Variants in NPRL3 observed in about 807,000 individuals in gnomAD.
NPRL3 encodes the protein GATOR1 complex protein NPRL3.
A neutral mutation model predicts 57.2 loss-of-function variants in NPRL3; 23 were observed. The ratio of observed to expected loss-of-function variants is 0.40; its 90% CI spans 0.29 to 0.57. The LOEUF is 0.57. NPRL3 is among the 20% of genes least tolerant of loss of function. The pLI is 0.42. For synonymous variants in NPRL3, 333 were observed against 321.1 expected, an observed-to-expected ratio of 1.04 and a Z score of -0.39; for missense variants, 691 against 767.1, an observed-to-expected ratio of 0.90 and a Z score of 1.17.
chr16:89,149 A>C, intron 12 of NPRL3: 1 of 502,666 alleles, frequency 2.0e-6, no homozygotes, highest in Non-Finnish European at 3.6e-6. Context: ...GTGCCCCACA[A>C]ACACCCCAAG....
chr16:128,790 CAG>C (rs1325744530), intron 3 of NPRL3, among the ~76,000 whole-genome samples: 1 of 151,934 alleles, frequency 6.6e-6, no homozygotes, highest in East Asian at 1.9e-4. Flanking sequence ...ATCAAAGACA[CAG>C]AGAGTGGATT....
intron 2 of NPRL3, among the ~76,000 whole-genome samples, chr16:135,407 A>G (rs11649185): frequency 6.6e-6 from 1 of 152,120 alleles, no homozygotes; most frequent in Admixed American, 6.6e-5. Flanking sequence ...TCAGGAGTTC[A>G]AGACCAGCCT....
At chr16:94,465 CCAGA>C (rs894937341) in intron 9 of NPRL3, among the ~76,000 whole-genome samples, 5 of 152,148 alleles carry the variant, frequency 3.3e-5, no homozygotes, top group Admixed American at 1.3e-4. Flanking sequence ...AACAGGGCCT[CCAGA>C]CTGAGTGAGT....
rs56670370 is a variant in NPRL3, at chr16:88,387, C to CAAAAAA, written c.1544+305_1544+310dup. Among the ~76,000 whole-genome samples the CAAAAAA allele has an allele frequency of 5.4e-4, 71 of 130,952 alleles. 1 individual carries two copies. Among genetic ancestry groups the CAAAAAA allele is most frequent in the African/African-American group, 2.2e-3 (70 of 31,384 alleles). The allele number at this position is 130,952 out of a possible 152,430, so 85.9% of individuals were successfully genotyped here. A position where few individuals can be genotyped will look rare whatever the true frequency, so the allele number is the denominator to read the frequency against. On this transcript the variant is annotated intron_variant, in intron 13 of 13. Coordinates refer to ENST00000611875, the MANE Select transcript of NPRL3 (RefSeq NM_001077350.3). ...TGGGTGACAGAGCGAGACTCCGTCT[C>CAAAAAA]AAAAAAAAAAAAAAAAAAAAAGAAC...
At chr16:132,370 A>G (rs2141984678) in intron 2 of NPRL3, among the ~76,000 whole-genome samples, 1 of 152,290 alleles carries the variant, frequency 6.6e-6, no homozygotes, top group East Asian at 1.9e-4. Context: ...TTTTATCGTG[A>G]GACTGCAGCA....
intron 3 of NPRL3, among the ~76,000 whole-genome samples, chr16:124,233 G>C (rs555920178): frequency 6.6e-6 from 1 of 152,350 alleles, no homozygotes; most frequent in South Asian, 2.1e-4. Flanking sequence ...GTACAGGCTG[G>C]GCAGGAACAA....
Position 95,381 on chromosome 16 carries a change from AC to A in NPRL3, c.925-2057del, listed in dbSNP as rs1898962406. Among the ~76,000 whole-genome samples the A allele has an allele frequency of 2.4e-3, 354 of 144,700 alleles. 2 individuals are homozygous for A. The highest frequency in any genetic ancestry group is 8.5e-3 in the African/African-American group (336 of 39,454). The allele number at this position is 144,700 out of a possible 152,430, so 94.9% of individuals were successfully genotyped here. ...CACACACACACACACACACACACAC[AC>A]ACAATAAAATGTATATATACAGATA... On this transcript the variant is annotated intron_variant, in intron 9 of 13. Transcript: ENST00000611875.
At chr16:92,518 C>G in intron 11 of NPRL3, 78 bp downstream of exon 11, 1 of 1,531,300 alleles carries the variant, frequency 6.5e-7, no homozygotes, top group South Asian at 1.2e-5. Context: ...GCTCTCAGAT[C>G]AGAACCAACA....
chr16:103,421 G>C (rs1220838480), intron 7 of NPRL3, among the ~76,000 whole-genome samples: 1 of 146,886 alleles, frequency 6.8e-6, no homozygotes, highest in Non-Finnish European at 1.5e-5. Flanking sequence ...GATTACAGGC[G>C]TGAGCCACCG....
intron 3 of NPRL3, among the ~76,000 whole-genome samples, chr16:129,869 C>G (rs1900710752): frequency 6.6e-6 from 1 of 152,120 alleles, no homozygotes; most frequent in Admixed American, 6.5e-5. Context: ...GCAGGTAACT[C>G]ACAATCTTCC....
intron 2 of NPRL3, among the ~76,000 whole-genome samples, chr16:131,610 A>AAAC (rs1310308183): frequency 2.0e-5 from 3 of 151,476 alleles, no homozygotes; most frequent in East Asian, 3.9e-4. Context: ...AAAAAAAAAA[A>AAAC]AAAAAAAAAC....
At chr16:135,783 A>C (rs879788548) in intron 2 of NPRL3, among the ~76,000 whole-genome samples, 1 of 152,142 alleles carries the variant, frequency 6.6e-6, no homozygotes, top group Non-Finnish European at 1.5e-5. Context: ...GGCAAGAACT[A>C]CACAGAAGCA....
chr16:126,730 A>G (rs1215462174), intron 3 of NPRL3, among the ~76,000 whole-genome samples: 25 of 152,134 alleles, frequency 1.6e-4, no homozygotes, highest in Non-Finnish European at 8.8e-5. Flanking sequence ...GGCCCCTAAT[A>G]CCCAGGGAAC....
In NPRL3 at chr16:112,790, C is replaced by A; in HGVS notation, c.394-15G>T. ...TCTGCGTTGGCCTGCAGGAGAGAGACCATACACAGACTCAAACGTGTGCAC... is the reference window on the plus strand; with the variant it reads ...TCTGCGTTGGCCTGCAGGAGAGAGAACATACACAGACTCAAACGTGTGCAC... On this transcript the variant is annotated splice_polypyrimidine_tract_variant and intron_variant, in intron 5 of 13. Transcript: ENST00000611875. 1 of 1,571,446 alleles carries A rather than the reference C, an allele frequency of 6.4e-7. No homozygotes were observed. The highest frequency in any genetic ancestry group is 8.7e-7 in the Non-Finnish European group (1 of 1,150,234).
intron 2 of NPRL3, among the ~76,000 whole-genome samples, chr16:137,037 A>G (rs1457127845): frequency 1.5e-5 from 2 of 135,596 alleles, no homozygotes; most frequent in Non-Finnish European, 3.1e-5. Flanking sequence ...GCAAAACCCC[A>G]TCTCTACTAA....
intron 7 of NPRL3, among the ~76,000 whole-genome samples, chr16:110,149 A>G (rs1042702041): frequency 1.3e-5 from 2 of 152,110 alleles, no homozygotes; most frequent in African/African-American, 4.8e-5. Context: ...CATGCCTGTA[A>G]TCCCAGCTAC....
intron 11 of NPRL3, among the ~76,000 whole-genome samples, chr16:91,327 G>C (rs890354202): frequency 6.6e-6 from 1 of 152,168 alleles, no homozygotes. Context: ...GCAGTGAGCC[G>C]AGATCATGCC....
intron 2 of NPRL3, among the ~76,000 whole-genome samples, chr16:134,185 T>C (rs977104088): frequency 3.3e-5 from 5 of 151,920 alleles, no homozygotes; most frequent in African/African-American, 9.7e-5. Context: ...AACTTTCAAT[T>C]TGTAGAAAAC....
At chr16:100,285 T>G in intron 8 of NPRL3, 87 bp downstream of exon 8, 1 of 1,331,230 alleles carries the variant, frequency 7.5e-7, no homozygotes, top group South Asian at 2.0e-5. Context: ...AAGAGAAATT[T>G]TGGAACAAAG....
Sources: gnomAD v4.1 joint callset for allele counts (sites outside exome capture counted in the v4.1 genomes callset) on GRCh38, gnomAD v4.1.1 for gene constraint, MANE v1.5 for transcripts, NCBI Gene and HGNC (gene_info 2026-07-23, HGNC 2026-07-21) for gene names.